FRYL: variants seen among roughly 807,000 people sequenced by gnomAD.
FRYL encodes the protein protein furry homolog-like.
Under a neutral mutation model 351.2 loss-of-function variants are expected in FRYL, and 150 were observed. The ratio of observed to expected loss-of-function variants is 0.43; its 90% CI spans 0.37 to 0.49. FRYL has a LOEUF of 0.49. Ranked by LOEUF, FRYL falls within the 20% of genes least tolerant of loss-of-function variation. FRYL has a pLI of 0.00. For missense variants in FRYL, 3,036 were observed against 3,619.3 expected (o/e 0.84, Z 4.13); for synonymous variants, 1,153 against 1,257.1 (o/e 0.92, Z 1.75).
intron 2 of FRYL, among the ~76,000 whole-genome samples, chr4:48,705,125 CAAAT>C (rs1390554284): frequency 2.0e-5 from 3 of 151,914 alleles, no homozygotes; most frequent in East Asian, 1.9e-4. Context: ...TTAAAACAAA[CAAAT>C]AAACACTGCA....
At chr4:48,580,802 A>T (rs1471239471) in intron 22 of FRYL, 63 bp downstream of exon 22, 2 of 996,196 alleles carry the variant, frequency 2.0e-6, no homozygotes, top group Non-Finnish European at 3.2e-6. Context: ...ATGTACATGT[A>T]TACATATGTG....
At chr4:48,613,057 A>G (rs1276369431) in intron 7 of FRYL, among the ~76,000 whole-genome samples, 3 of 152,188 alleles carry the variant, frequency 2.0e-5, no homozygotes, top group African/African-American at 7.2e-5. Flanking sequence ...TGATTTTCTT[A>G]AATTTTGGAA....
chr4:48,743,887 C>T (rs1377766333), intron 1 of FRYL, among the ~76,000 whole-genome samples: 7 of 152,308 alleles, frequency 4.6e-5, no homozygotes, highest in Admixed American at 3.9e-4. Flanking sequence ...GTCAAGCCTC[C>T]ACTATCACTT....
chr4:48,588,894 A>G (rs1000981943), intron 18 of FRYL, among the ~76,000 whole-genome samples: 1 of 152,180 alleles, frequency 6.6e-6, no homozygotes, highest in African/African-American at 2.4e-5. Flanking sequence ...AATACACTAT[A>G]TAGGTGTCAG....
In FRYL at chr4:48,567,138, C is replaced by A; in HGVS notation, c.3169+110G>T. The A allele has an allele frequency of 1.3e-6, 1 of 778,572 alleles. No individual in the cohort carries two copies. Among genetic ancestry groups the A allele is most frequent in the Non-Finnish European group, 1.9e-6 (1 of 519,198 alleles). 48.2% of individuals were successfully genotyped at this position (778,572 alleles called of 1,614,324 possible). On this transcript the variant is annotated intron_variant, in intron 28 of 63. Transcript: ENST00000358350. The surrounding 1 kb of genome is among the most constrained non-coding windows in gnomAD (Gnocchi z 4.2). ...TCCAGGTTATGCTGACATATTTTTCCAGTATGTTCATACGTTACTTTATCA... is the reference window on the plus strand; with the variant it reads ...TCCAGGTTATGCTGACATATTTTTCAAGTATGTTCATACGTTACTTTATCA...
chr4:48,508,291 T>G (rs1047370988), intron 59 of FRYL, among the ~76,000 whole-genome samples: 5 of 152,198 alleles, frequency 3.3e-5, no homozygotes, highest in Admixed American at 6.5e-5. Context: ...TTTCCATTAA[T>G]ATACCATCTG....
chr4:48,684,442 TGAA>T (rs1041097232), intron 3 of FRYL, among the ~76,000 whole-genome samples: 1 of 152,144 alleles, frequency 6.6e-6, no homozygotes, highest in Admixed American at 6.5e-5. Context: ...ACTCCAGTAA[TGAA>T]ACTGTATTTA....
At chr4:48,539,405 C>T (rs1288234633) in intron 47 of FRYL, among the ~76,000 whole-genome samples, 1 of 152,170 alleles carries the variant, frequency 6.6e-6, no homozygotes, top group African/African-American at 2.4e-5. Flanking sequence ...GCCTCTCATC[C>T]AGGGACCTTA....
At chr4:48,520,688 A>G (rs1724720075) in intron 55 of FRYL, 1 of 159,266 alleles carries the variant, frequency 6.3e-6, no homozygotes, top group African/African-American at 2.4e-5. Flanking sequence ...CACCAATCAC[A>G]TAAACCCAAC....
At chr4:48,770,802 G>A (rs1036858767) in intron 1 of FRYL, among the ~76,000 whole-genome samples, 2 of 152,066 alleles carry the variant, frequency 1.3e-5, no homozygotes, top group Non-Finnish European at 2.9e-5. Context: ...CACATATTGG[G>A]AATGAAGACT....
chr4:48,632,282 TC>T lies in FRYL; in HGVS notation c.120+2008del, dbSNP rs111816612. Among the ~76,000 whole-genome samples the T allele has an allele frequency of 4.5e-3, 672 of 149,590 alleles. 5 individuals are homozygous for T. The highest frequency in any genetic ancestry group is 0.015 in the African/African-American group (624 of 41,046). On this transcript the variant is annotated intron_variant, in intron 4 of 63. Coordinates refer to ENST00000358350, the MANE Select transcript of FRYL (RefSeq NM_015030.2). Reference sequence around the variant, plus strand: ...AAAATGGCTGAGGCCAGGTGATGGGTCCTAAGTGTTCATTATACCATAATCT... The same window carrying T: ...AAAATGGCTGAGGCCAGGTGATGGGTCTAAGTGTTCATTATACCATAATCT...
intron 18 of FRYL, 71 bp downstream of exon 18, chr4:48,589,674 G>A: frequency 1.4e-6 from 2 of 1,435,056 alleles, no homozygotes; most frequent in Non-Finnish European, 1.9e-6. Flanking sequence ...AAGGAGACAG[G>A]TAAGCAAGAA....
rs369402380 is a variant in FRYL at position 48,534,663 on chromosome 4, C to G, written c.6587G>C (p.Ser2196Thr). The change falls in exon 49 of 64, where the codon AGT (serine) becomes ACT (threonine). Residue 2196 changes from serine (S) to threonine (T), a missense_variant. By Grantham distance (58) the Ser-to-Thr change is moderately conservative (BLOSUM62 1). Coordinates refer to ENST00000358350, the MANE Select transcript of FRYL (RefSeq NM_015030.2). ...LAELLEKGLS[S>T]MQQSLLQIIY... The stretch of plus-strand genomic sequence containing the variant: ...AATCTGTAGTAATGATTGCTGCATA[C>G]TGGACAATCCTTTCTCTAACAGCTA... The G allele has an allele frequency of 6.4e-7, 1 of 1,558,782 alleles. No homozygotes were observed. Among genetic ancestry groups the G allele is most frequent in the Non-Finnish European group, 8.8e-7 (1 of 1,135,374 alleles).
At chr4:48,592,592 A>G (rs1162197704) in intron 16 of FRYL, among the ~76,000 whole-genome samples, 1 of 152,206 alleles carries the variant, frequency 6.6e-6, no homozygotes, top group Non-Finnish European at 1.5e-5. Context: ...TGGATGTTCA[A>G]GAAAATATCT....
At chr4:48,550,932 C>T (rs1311488801) in intron 37 of FRYL, among the ~76,000 whole-genome samples, 1 of 151,932 alleles carries the variant, frequency 6.6e-6, no homozygotes, top group Admixed American at 6.6e-5. Flanking sequence ...ATTAGCCGAG[C>T]GTGGTGACGT....
chr4:48,555,993 C>T (rs554871201), intron 35 of FRYL, among the ~76,000 whole-genome samples: 24 of 152,290 alleles, frequency 1.6e-4, no homozygotes, highest in Non-Finnish European at 3.2e-4. Flanking sequence ...CTCCTGGGCT[C>T]AAGCAATTCT....
intron 1 of FRYL, among the ~76,000 whole-genome samples, chr4:48,776,956 A>G (rs1776085098): frequency 1.3e-5 from 2 of 152,144 alleles, no homozygotes; most frequent in African/African-American, 2.4e-5. Context: ...GCACTGACAT[A>G]CCCACTGTCC....
At chr4:48,707,598 G>T (rs1767504979) in intron 2 of FRYL, among the ~76,000 whole-genome samples, 1 of 151,262 alleles carries the variant, frequency 6.6e-6, no homozygotes, top group Non-Finnish European at 1.5e-5. Flanking sequence ...TTATTTTACA[G>T]ACACTAGAAA....
intron 7 of FRYL, among the ~76,000 whole-genome samples, chr4:48,615,548 T>C (rs1346039179): frequency 6.6e-6 from 1 of 152,246 alleles, no homozygotes; most frequent in Non-Finnish European, 1.5e-5. Context: ...TTAAACATGC[T>C]TTTATCATGG....
Sources: allele counts gnomAD v4.1 joint callset (sites outside exome capture counted in the v4.1 genomes callset), GRCh38; gene constraint gnomAD v4.1.1; non-coding constraint Gnocchi (gnomAD v3.1); transcripts MANE v1.5; gene names NCBI Gene and HGNC (gene_info 2026-07-23, HGNC 2026-07-21).